The following PREX1 variants were observed in gnomAD, a reference collection of about 807,000 sequenced individuals.
PREX1 encodes the protein phosphatidylinositol 3,4,5-trisphosphate-dependent Rac exchanger 1 protein.
A neutral mutation model predicts 198.3 loss-of-function variants in PREX1; 41 were observed. The ratio of observed to expected loss-of-function variants is 0.21; its 90% CI spans 0.16 to 0.27. PREX1 has a LOEUF of 0.27. PREX1 is among the 10% of genes least tolerant of loss of function. The pLI, the probability that PREX1 is intolerant of heterozygous loss-of-function variation, is 1.00. For synonymous variants in PREX1, 843 were observed against 887.2 expected (o/e 0.95, Z 0.89); for missense variants, 1,620 against 2,200.7 (o/e 0.74, Z 5.28).
chr20:48,811,626 C>CA lies in PREX1; in HGVS notation c.219+16015_219+16016insT, dbSNP rs201287763. On this transcript the variant is annotated intron_variant, in intron 1 of 39. Coordinates refer to ENST00000371941, the MANE Select transcript of PREX1 (RefSeq NM_020820.4). ...ACTGACAAGACCTGGATACACACCCCCCCACACACACACACACGTACGTGT... is the reference window on the plus strand; with the variant it reads ...ACTGACAAGACCTGGATACACACCCCACCCACACACACACACACGTACGTGT... Among the ~76,000 whole-genome samples, 343 of 95,358 alleles carry CA rather than the reference C, an allele frequency of 3.6e-3. 2 individuals are homozygous for CA. The highest frequency in any genetic ancestry group is 0.014 in the African/African-American group (286 of 21,020). The allele number at this position is 95,358 out of a possible 152,430, so 62.6% of individuals were successfully genotyped here.
intron 3 of PREX1, among the ~76,000 whole-genome samples, chr20:48,736,387 C>T (rs1482946753): frequency 1.3e-5 from 2 of 152,184 alleles, no homozygotes; most frequent in Non-Finnish European, 2.9e-5. Context: ...CTACATGCTC[C>T]AAACACCACC....
intron 19 of PREX1, 72 bp from the exon 20 acceptor site, chr20:48,653,569 C>T (rs1464705471): frequency 1.3e-6 from 2 of 1,548,160 alleles, no homozygotes; most frequent in East Asian, 2.3e-5. Flanking sequence ...CTGTCCCCCA[C>T]CACCCACCAC....
intron 10 of PREX1, among the ~76,000 whole-genome samples, chr20:48,685,223 G>C (rs542564085): frequency 1.1e-3 from 167 of 152,346 alleles, no homozygotes; most frequent in African/African-American, 3.9e-3. Flanking sequence ...ATGAATGAGT[G>C]AATCTGTTTT....
At chr20:48,840,911 A>T in the PREX1 span, among the ~76,000 whole-genome samples, 1 of 151,608 alleles carries the variant, frequency 6.6e-6, no homozygotes, top group South Asian at 2.1e-4. Context: ...AGACCTCAAA[A>T]CTCCTGGGCT....
At position 48,658,193 on chromosome 20, in the gene PREX1, G is replaced by T. The variant is rs147901913; in HGVS notation, c.1917C>A (p.Ile639=). 184 of 1,614,164 alleles carry T rather than the reference G, an allele frequency of 1.1e-4. 2 individuals carry two copies. The Middle Eastern group carries it at 1.7e-3, about 14-fold the overall frequency. Residue 639 remains isoleucine, a synonymous_variant, in exon 17 of 40, where the codon ATC becomes ATA. Transcript: ENST00000371941. Reference sequence around the variant, plus strand: ...CCACCACAGCCTTGTTCTTCTCCTCGATGTCAAAGCCATAGTCCTCCTCCT... The same window carrying T: ...CCACCACAGCCTTGTTCTTCTCCTCTATGTCAAAGCCATAGTCCTCCTCCT... The part of the protein sequence containing the change: ...LPQEEDYGFD[I]EEKNKAVVVK...
At chr20:48,825,487 G>C (rs1303788578) in intron 1 of PREX1, among the ~76,000 whole-genome samples, 1 of 152,156 alleles carries the variant, frequency 6.6e-6, no homozygotes. Flanking sequence ...TGTGAAAGTA[G>C]AGAAATCTTT....
chr20:48,656,974 C>A (rs1601050521), intron 18 of PREX1, 66 bp downstream of exon 18: 1 of 1,517,374 alleles, frequency 6.6e-7, no homozygotes. Flanking sequence ...TCATGCCACC[C>A]CAGCCCTCAG....
At chr20:48,636,848 A>T (rs2089369349) in intron 31 of PREX1, among the ~76,000 whole-genome samples, 165 bp from the exon 32 acceptor site, 1 of 152,228 alleles carries the variant, frequency 6.6e-6, no homozygotes. Context: ...CCAAAAGCCA[A>T]TTCCACAAAA....
At chr20:48,879,423 C>T in the PREX1 span, among the ~76,000 whole-genome samples, 1 of 151,720 alleles carries the variant, frequency 6.6e-6, no homozygotes, top group African/African-American at 2.4e-5. Flanking sequence ...AGTTGATAAA[C>T]AGTACTGTTC....
At position 48,650,223 on chromosome 20, in the gene PREX1, C is replaced by T. The variant is rs765141171; in HGVS notation, c.2818-17G>A. 6.9e-6 allele frequency: 11 copies of T among 1,594,364 alleles called. No homozygotes were observed. The highest frequency in any genetic ancestry group is 4.1e-4 in the Middle Eastern group (2 of 4,900). The stretch of plus-strand genomic sequence containing the variant: ...GGCTGCAAACTGAGAAAGTGGAGGC[C>T]GTAAGGTCGTGAATCACAGGGCAGG... On this transcript the variant is annotated splice_polypyrimidine_tract_variant and intron_variant, in intron 23 of 39. Transcript: ENST00000371941.
chr20:48,708,478 AC>A, intron 5 of PREX1, 57 bp from the exon 6 acceptor site: 1 of 1,573,792 alleles, frequency 6.4e-7, no homozygotes, highest in Non-Finnish European at 8.7e-7. Flanking sequence ...TCCAGAGGAG[AC>A]CCAGGCCAGA....
At chr20:48,862,720 A>T in the PREX1 span, among the ~76,000 whole-genome samples, 2 of 148,782 alleles carry the variant, frequency 1.3e-5, no homozygotes, top group Non-Finnish European at 3.0e-5. Context: ...CTGCCTGTAT[A>T]GGGGGTATAT....
chr20:48,886,774 T>G, the PREX1 span, among the ~76,000 whole-genome samples: 2 of 152,200 alleles, frequency 1.3e-5, no homozygotes, highest in Non-Finnish European at 2.9e-5. Flanking sequence ...GGGACTAGTA[T>G]TATCACCATG....
At chr20:48,760,318 T>A (rs2090173663) in intron 1 of PREX1, among the ~76,000 whole-genome samples, 1 of 152,022 alleles carries the variant, frequency 6.6e-6, no homozygotes, top group African/African-American at 2.4e-5. Flanking sequence ...TTTTATTAGT[T>A]TTTTCCATCC....
At chr20:48,856,402 G>A in the PREX1 span, among the ~76,000 whole-genome samples, 1 of 152,178 alleles carries the variant, frequency 6.6e-6, no homozygotes, top group African/African-American at 2.4e-5. Flanking sequence ...CTCCCTCCTG[G>A]TGAGTCCATG....
intron 5 of PREX1, among the ~76,000 whole-genome samples, chr20:48,715,297 T>C (rs1249671520): frequency 6.6e-6 from 1 of 152,168 alleles, no homozygotes; most frequent in Non-Finnish European, 1.5e-5. Flanking sequence ...TTTGAATGAA[T>C]TAATCCATTC....
intron 1 of PREX1, among the ~76,000 whole-genome samples, chr20:48,773,266 CAAAAAAAAA>C (rs55740822): frequency 3.3e-4 from 22 of 65,880 alleles, no homozygotes; most frequent in African/African-American, 1.3e-3. Context: ...GACTTGGTCT[CAAAAAAAAA>C]AAAAAAAAAA....
chr20:48,761,186 G>C (rs938326663), intron 1 of PREX1, among the ~76,000 whole-genome samples: 1 of 152,224 alleles, frequency 6.6e-6, no homozygotes, highest in African/African-American at 2.4e-5. Flanking sequence ...AACAGCCGGG[G>C]CAAAGGCCCC....
intron 32 of PREX1, 22 bp from the exon 33 acceptor site, chr20:48,634,797 G>A (rs770065042): frequency 1.0e-5 from 16 of 1,607,808 alleles, no homozygotes; most frequent in Non-Finnish European, 1.4e-5. Context: ...AGACAGCGCG[G>A]AGGAGTCTCA....
Sources: gnomAD v4.1 joint callset for allele counts (sites outside exome capture counted in the v4.1 genomes callset) on GRCh38, gnomAD v4.1.1 for gene constraint, MANE v1.5 for transcripts, NCBI Gene and HGNC (gene_info 2026-07-23, HGNC 2026-07-21) for gene names.